The following SNX9 variants were observed in gnomAD, a reference collection of about 807,000 sequenced individuals.
SNX9 encodes the protein sorting nexin 9, also known as sorting nexin-9.
SNX9 carries 44 observed loss-of-function variants against 89.4 expected under a neutral mutation model. The observed-to-expected ratio is 0.49, with a 90% confidence interval of 0.39 to 0.63. SNX9 has a LOEUF of 0.63. Among genes scored for constraint, SNX9 ranks in the 30% least tolerant of loss-of-function variants. SNX9 has a pLI of 0.00. For synonymous variants in SNX9, 236 were observed against 247.8 expected (o/e 0.95, Z 0.45); for missense variants, 578 against 736.1 (o/e 0.79, Z 2.49).
At chr6:157,937,976 A>T (rs1179674027) in intron 15 of SNX9, among the ~76,000 whole-genome samples, 1 of 152,258 alleles carries the variant, frequency 6.6e-6, no homozygotes, top group Non-Finnish European at 1.5e-5. Context: ...CAGAAAAATT[A>T]GCTTGCTGTC....
chr6:157,834,898 G>C (rs1781554263), intron 1 of SNX9, among the ~76,000 whole-genome samples: 1 of 152,114 alleles, frequency 6.6e-6, no homozygotes, highest in Non-Finnish European at 1.5e-5. Context: ...ACCCCTAAAA[G>C]CTCCAAAACC....
chr6:157,853,656 A>G (rs1172998943), intron 1 of SNX9, among the ~76,000 whole-genome samples: 3 of 152,104 alleles, frequency 2.0e-5, no homozygotes, highest in African/African-American at 7.2e-5. Flanking sequence ...TAGCAGAACC[A>G]CCTTTTGTAG....
At chr6:157,824,257 C>T (rs1490182818) in intron 1 of SNX9, among the ~76,000 whole-genome samples, 2 of 152,196 alleles carry the variant, frequency 1.3e-5, no homozygotes, top group Admixed American at 6.5e-5. Flanking sequence ...AAAAGCCACC[C>T]TCCCCCGCTC....
chr6:157,936,361 T>C (rs1783925246), intron 14 of SNX9, among the ~76,000 whole-genome samples: 1 of 152,048 alleles, frequency 6.6e-6, no homozygotes, highest in Non-Finnish European at 1.5e-5. Context: ...CCCCAAAAAT[T>C]AGCTGGGTGT....
intron 1 of SNX9, among the ~76,000 whole-genome samples, chr6:157,834,177 T>G (rs960898761): frequency 0.013 from 1,658 of 124,674 alleles, 83 homozygotes; most frequent in African/African-American, 0.05. Flanking sequence ...TTTTTTTTTT[T>G]TTTTTTTTGA....
intron 1 of SNX9, among the ~76,000 whole-genome samples, chr6:157,835,317 T>G (rs900767647): frequency 1.8e-4 from 28 of 152,198 alleles, no homozygotes; most frequent in East Asian, 3.9e-4. Flanking sequence ...CCAGCCAAGA[T>G]TTTTAAAATA....
At chr6:157,868,030 T>C (rs1182597430) in intron 2 of SNX9, among the ~76,000 whole-genome samples, 1 of 152,222 alleles carries the variant, frequency 6.6e-6, no homozygotes, top group East Asian at 1.9e-4. Flanking sequence ...ACTGTATCTC[T>C]AGAATAAGTA....
intron 4 of SNX9, 48 bp downstream of exon 4, chr6:157,875,224 A>G: frequency 6.3e-7 from 1 of 1,577,494 alleles, no homozygotes. Flanking sequence ...TACGGAAAAC[A>G]GAGCGTATTT....
chr6:157,882,019 A>G (rs1196721905), intron 4 of SNX9, among the ~76,000 whole-genome samples: 1 of 152,234 alleles, frequency 6.6e-6, no homozygotes, highest in South Asian at 2.1e-4. Context: ...AGAAGATGCC[A>G]TCTAGGACTT....
chr6:157,837,028 C>G (rs1048598916), intron 1 of SNX9, among the ~76,000 whole-genome samples: 1 of 152,214 alleles, frequency 6.6e-6, no homozygotes, highest in African/African-American at 2.4e-5. Context: ...TCCCTAAGAT[C>G]TGTGAGGCCG....
chr6:157,826,143 C>A (rs1781339384), intron 1 of SNX9, among the ~76,000 whole-genome samples: 1 of 151,974 alleles, frequency 6.6e-6, no homozygotes, highest in Non-Finnish European at 1.5e-5. Context: ...CTATATTTTA[C>A]AATAAAAAAG....
intron 9 of SNX9, among the ~76,000 whole-genome samples, chr6:157,910,802 A>C (rs557774456): frequency 6.6e-6 from 1 of 152,152 alleles, no homozygotes; most frequent in Non-Finnish European, 1.5e-5. Context: ...CTGCTACTCT[A>C]TGTAGTCACT....
intron 3 of SNX9, chr6:157,874,273 A>G (rs929666935): frequency 3.9e-5 from 6 of 152,160 alleles, no homozygotes; most frequent in African/African-American, 1.4e-4. Flanking sequence ...TACAACTGCA[A>G]CCCCCTATTC....
chr6:157,835,655 T>C (rs2115108829), intron 1 of SNX9, among the ~76,000 whole-genome samples: 1 of 151,888 alleles, frequency 6.6e-6, no homozygotes, highest in South Asian at 2.1e-4. Flanking sequence ...AATCACGGGG[T>C]CGATTTCCCC....
chr6:157,906,703 C>T (rs1424191269), intron 7 of SNX9, among the ~76,000 whole-genome samples: 1 of 152,186 alleles, frequency 6.6e-6, no homozygotes, highest in Non-Finnish European at 1.5e-5. Flanking sequence ...GAGTTAAAGA[C>T]ATCATTGAGA....
chr6:157,887,865 A>G (rs1326748423), intron 4 of SNX9, among the ~76,000 whole-genome samples: 1 of 152,194 alleles, frequency 6.6e-6, no homozygotes, highest in African/African-American at 2.4e-5. Flanking sequence ...TGTTTGTAGT[A>G]CTGACTTCCC....
chr6:157,859,430 C>G (rs1360487402), intron 1 of SNX9, among the ~76,000 whole-genome samples: 1 of 152,134 alleles, frequency 6.6e-6, no homozygotes, highest in East Asian at 1.9e-4. Flanking sequence ...TTCTCATTCT[C>G]TTGTTGCTGT....
intron 6 of SNX9, among the ~76,000 whole-genome samples, chr6:157,903,190 C>G (rs184442193): frequency 1.3e-5 from 2 of 152,148 alleles, no homozygotes; most frequent in African/African-American, 4.8e-5. Context: ...ATTACTAATA[C>G]TTTTTCCCAA....
At chr6:157,881,369 T>C (rs1782618245) in intron 4 of SNX9, among the ~76,000 whole-genome samples, 1 of 152,152 alleles carries the variant, frequency 6.6e-6, no homozygotes. Context: ...TCCCTCTCCT[T>C]GGACCTCCCT....
Sources: allele counts gnomAD v4.1 joint callset (sites outside exome capture counted in the v4.1 genomes callset), GRCh38; gene constraint gnomAD v4.1.1; transcripts MANE v1.5; gene names NCBI Gene and HGNC (gene_info 2026-07-23, HGNC 2026-07-21).